Variants in TTC31 observed in about 807,000 individuals in gnomAD.
TTC31 encodes the protein tetratricopeptide repeat protein 31.
A neutral mutation model predicts 60.4 loss-of-function variants in TTC31; 59 were observed. The observed-to-expected ratio is 0.98, with a 90% confidence interval of 0.79 to 1.21. The LOEUF (loss-of-function observed/expected upper bound fraction) is 1.21. Among genes scored for constraint, TTC31 ranks in the 50% most tolerant of loss-of-function variants. TTC31 has a pLI of 0.00. For missense variants in TTC31, 672 were observed against 646.9 expected (o/e 1.04, Z -0.42); for synonymous variants, 225 against 249.6 (o/e 0.90, Z 0.93).
intron 2 of TTC31, among the ~76,000 whole-genome samples, chr2:74,486,570 G>A (rs1673130462): frequency 6.6e-6 from 1 of 152,186 alleles, no homozygotes; most frequent in African/African-American, 2.4e-5. Context: ...AGGGAGTGCT[G>A]AGTGGAGTTG....
In TTC31 at chr2:74,490,200, G is replaced by A. The variant is rs79746091; in HGVS notation, c.233-44G>A. 1.6e-3 allele frequency: 2,517 copies of A among 1,610,852 alleles called. 4 individuals carry two copies. Among genetic ancestry groups the A allele is most frequent in the Admixed American group, 1.9e-3 (112 of 59,938 alleles). On this transcript the variant is annotated intron_variant, in intron 3 of 12. Transcript: ENST00000233623. ...GAGGGCTGACCCTCAGATGCACCCCGCTCTCATGTCCTTTCTTTCCTGTCT... is the reference window on the plus strand; with the variant it reads ...GAGGGCTGACCCTCAGATGCACCCCACTCTCATGTCCTTTCTTTCCTGTCT...
chr2:74,490,737 A>C lies in TTC31; in HGVS notation c.544A>C (p.Lys182Gln), dbSNP rs182054732. The change falls in exon 5 of 13, where the codon AAG becomes CAG. Residue 182 changes from lysine to glutamine, a missense_variant and splice_region_variant. By Grantham distance (53) the Lys-to-Gln change is moderately conservative. Coordinates refer to ENST00000233623, the MANE Select transcript of TTC31 (RefSeq NM_022492.6). ...AGCAGAGAAAAAGCGACTCAAGAAG[A>C]AGGTGGCTAGAGCATGGCTGGAGGG... ...QKAEKKRLKK[K>Q]RQKERKRQER... is the part of the protein sequence containing the mutation. 4.5e-5 allele frequency: 72 copies of C among 1,612,558 alleles called. No homozygotes were observed. Among genetic ancestry groups the C allele is most frequent in the Non-Finnish European group, 6.0e-5 (71 of 1,179,324 alleles).
At chr2:74,490,761 G>A (rs772119524) in intron 5 of TTC31, 22 bp downstream of exon 5, 21 of 1,605,230 alleles carry the variant, frequency 1.3e-5, no homozygotes, top group South Asian at 2.2e-5. Flanking sequence ...ATGGCTGGAG[G>A]GTGCAGGGGA....
chr2:74,483,335 G>A lies in TTC31; in HGVS notation c.54G>A (p.Arg18=). The A allele has an allele frequency of 6.2e-7, 1 of 1,614,186 alleles. No homozygotes were observed. The highest frequency in any genetic ancestry group is 8.5e-7 in the Non-Finnish European group (1 of 1,180,044). The change falls in exon 2 of 13, where the codon CGG becomes CGA. Residue 18 remains arginine, a synonymous_variant. Coordinates refer to ENST00000233623, the MANE Select transcript of TTC31 (RefSeq NM_022492.6). ...CCTTTCCTGTAGACTGCTCTCTACG[G>A]CCCAGCTGCCCACTGGAGGTCGCTG... ...VGRIKLDCSL[R]PSCPLEVAAA...
chr2:74,491,826 C>A, intron 8 of TTC31, 154 bp downstream of exon 8: 1 of 1,377,728 alleles, frequency 7.3e-7, no homozygotes, highest in Non-Finnish European at 1.0e-6. Context: ...ATCACTGTCA[C>A]CATGACCCCG....
In TTC31 at chr2:74,493,002, C is replaced by T. The variant is rs1674116687; in HGVS notation, c.1344C>T (p.Pro448=). ...LQPLPHAELA[P]SGLPSLRCPR... is the part of the protein sequence containing the mutation. ...CACTTCCCCATGCTGAGCTGGCACC[C>T]TCAGGCCTACCTTCCCTCAGGTGCC... Residue 448 remains proline (P), a synonymous_variant, in exon 13 of 13, where the codon CCC becomes CCT. Coordinates refer to ENST00000233623, the MANE Select transcript of TTC31 (RefSeq NM_022492.6). 3.1e-6 allele frequency: 5 copies of T among 1,614,172 alleles called. No individual in the cohort carries two copies. In the African/African-American group the frequency reaches 5.3e-5, roughly 17 times the overall value.
intron 2 of TTC31, among the ~76,000 whole-genome samples, chr2:74,486,726 C>T (rs1168393161): frequency 2.0e-5 from 3 of 152,148 alleles, no homozygotes; most frequent in Non-Finnish European, 4.4e-5. Context: ...AACCCCGTTT[C>T]TACTAAAAGA....
At chr2:74,485,294 G>C (rs1672968577) in intron 2 of TTC31, among the ~76,000 whole-genome samples, 1 of 151,600 alleles carries the variant, frequency 6.6e-6, no homozygotes, top group South Asian at 2.1e-4. Context: ...AAAGTGCTGG[G>C]GTTACAGGCA....
chr2:74,486,550 G>T (rs1673127295), intron 2 of TTC31, among the ~76,000 whole-genome samples: 1 of 152,320 alleles, frequency 6.6e-6, no homozygotes, highest in East Asian at 1.9e-4. Context: ...GAAAAAGCAA[G>T]AAGGAGGATA....
chr2:74,492,717 G>A lies in TTC31; in HGVS notation c.1233G>A (p.Glu411=). Residue 411 remains glutamate (E), a synonymous_variant, in exon 12 of 13, where the codon GAG becomes GAA. Coordinates refer to ENST00000233623, the MANE Select transcript of TTC31 (RefSeq NM_022492.6). ...RGGSQPDAAR[E]LRSCLLHLTL... ...GGTCCCAGCCTGACGCAGCCCGAGA[G>A]CTCCGCTCTTGCCTTCTCCACCTCA... 11 of 1,614,178 alleles carry A rather than the reference G, an allele frequency of 6.8e-6. No homozygotes were observed. The highest frequency in any genetic ancestry group is 9.3e-6 in the Non-Finnish European group (11 of 1,180,030).
chr2:74,493,232 C>T lies in TTC31; in HGVS notation c.*14C>T, dbSNP rs1412247711. 5.0e-6 allele frequency: 8 copies of T among 1,613,574 alleles called. No homozygotes were observed. In the Admixed American group the frequency reaches 6.7e-5, roughly 13 times the overall value. ...CAGGCCAGATGAGGGGGCACCGGTC[C>T]CTCATAGGGCAGGGCCATGTATATA... On this transcript the variant is annotated 3_prime_UTR_variant, in exon 13 of 13. Coordinates refer to ENST00000233623, the MANE Select transcript of TTC31 (RefSeq NM_022492.6).
chr2:74,492,270 A>T (rs1173841238), intron 10 of TTC31, 34 bp from the exon 11 acceptor site: 1 of 1,610,694 alleles, frequency 6.2e-7, no homozygotes, highest in East Asian at 2.2e-5. Context: ...AGTGTTGAGG[A>T]CTCAGACCTT....
chr2:74,488,471 C>T (rs1012108801), intron 2 of TTC31, among the ~76,000 whole-genome samples: 1 of 152,150 alleles, frequency 6.6e-6, no homozygotes, highest in Non-Finnish European at 1.5e-5. Context: ...TGTGATCATT[C>T]CTGTCTTTGA....
intron 1 of TTC31, 70 bp downstream of exon 1, chr2:74,483,205 T>C (rs1042171118): frequency 9.9e-6 from 16 of 1,613,696 alleles, no homozygotes; most frequent in African/African-American, 1.3e-5. Context: ...CCACCTGTGG[T>C]CTGAACGTTT....
chr2:74,490,977 G>A (rs1187347284), intron 5 of TTC31, 151 bp from the exon 6 acceptor site: 1 of 1,081,668 alleles, frequency 9.2e-7, no homozygotes, highest in East Asian at 2.6e-5. Flanking sequence ...CCTCTTGCTG[G>A]TGCCTCTCTT....
intron 11 of TTC31, 57 bp from the exon 12 acceptor site, chr2:74,492,589 G>A (rs1236452735): frequency 1.9e-6 from 3 of 1,598,324 alleles, no homozygotes; most frequent in Non-Finnish European, 2.6e-6. Context: ...TTTAGAAAGG[G>A]TACTTTTAAG....
At position 74,491,541 on chromosome 2, in the gene TTC31, C is replaced by A. The variant is rs199633834; in HGVS notation, c.745C>A (p.Pro249Thr). 3.8e-4 allele frequency: 606 copies of A among 1,613,666 alleles called. No individual in the cohort carries two copies. The highest frequency in any genetic ancestry group is 4.9e-4 in the Non-Finnish European group (577 of 1,179,996). ...GGCTTTGCGCAAGGTTGGGGATTGG[C>A]CCCTCAGTGCCCGCAGAGAGAAGGG... ...SLALRKVGDW[P>T]LSARREKGLN... The change falls in exon 8 of 13, where the codon CCC becomes ACC. Residue 249 changes from proline to threonine, a missense_variant. Physicochemically the swap from Pro to Thr is conservative, Grantham distance 38. Coordinates refer to ENST00000233623, the MANE Select transcript of TTC31 (RefSeq NM_022492.6).
intron 5 of TTC31, 167 bp from the exon 6 acceptor site, chr2:74,490,961 A>T (rs1433100733): frequency 3.1e-6 from 3 of 976,130 alleles, no homozygotes; most frequent in East Asian, 2.6e-5. Context: ...GCCTCCTTAC[A>T]TGAGGCCTCT....
At chr2:74,483,999 G>T (rs1672774276) in intron 2 of TTC31, among the ~76,000 whole-genome samples, 1 of 149,642 alleles carries the variant, frequency 6.7e-6, no homozygotes, top group Admixed American at 6.7e-5. Flanking sequence ...ACTTTGGGAG[G>T]CCTAGGGGGG....
Sources: allele counts gnomAD v4.1 joint callset (sites outside exome capture counted in the v4.1 genomes callset), GRCh38; gene constraint gnomAD v4.1.1; transcripts MANE v1.5; gene names NCBI Gene and HGNC (gene_info 2026-07-23, HGNC 2026-07-21).